PDE3B: variants seen among roughly 807,000 people sequenced by gnomAD.
PDE3B encodes the protein phosphodiesterase 3B.
A neutral mutation model predicts 116.8 loss-of-function variants in PDE3B; 66 were observed. The ratio of observed to expected loss-of-function variants is 0.56; its 90% CI spans 0.46 to 0.69. The LOEUF is 0.69. Among genes scored for constraint, PDE3B ranks in the 30% least tolerant of loss-of-function variants. The pLI is 0.00. For synonymous variants in PDE3B, 595 were observed against 533.6 expected (o/e 1.12, Z -1.59); for missense variants, 1,384 against 1,368.1 (o/e 1.01, Z -0.18).
chr11:14,741,028 G>C lies in PDE3B; in HGVS notation c.979-30909G>C, dbSNP rs142569103. ...AGAGTGTTTTACTTCCAATTATATG[G>C]TCAATTTTAGAATAAATGCGATGTG... On this transcript the variant is annotated intron_variant, in intron 1 of 15. Coordinates refer to ENST00000282096, the MANE Select transcript of PDE3B (RefSeq NM_000922.4). Among the ~76,000 whole-genome samples, 1,403 of 151,654 alleles carry C rather than the reference G, an allele frequency of 9.3e-3. 82 individuals are homozygous for C. The highest frequency in any genetic ancestry group is 0.087 in the Admixed American group (1,327 of 15,250).
At chr11:14,892,375 T>C in the PDE3B span, 1 of 659,828 alleles carries the variant, frequency 1.5e-6, no homozygotes. Flanking sequence ...CTTCTAGTTT[T>C]GCGCGGCTGA....
chr11:14,797,142 G>T (rs1326965463), intron 4 of PDE3B, among the ~76,000 whole-genome samples: 1 of 152,088 alleles, frequency 6.6e-6, no homozygotes, highest in Non-Finnish European at 1.5e-5. Context: ...ATTGCTTGTT[G>T]TGTCAGGTTT....
At chr11:14,836,088 T>A (rs183315973) in intron 11 of PDE3B, among the ~76,000 whole-genome samples, 7 of 152,360 alleles carry the variant, frequency 4.6e-5, no homozygotes, top group Admixed American at 2.0e-4. Flanking sequence ...ATTTGCTTTA[T>A]GTCACTGGTT....
intron 1 of PDE3B, among the ~76,000 whole-genome samples, chr11:14,759,881 T>A (rs538465750): frequency 1.3e-5 from 2 of 152,182 alleles, no homozygotes; most frequent in East Asian, 3.9e-4. Context: ...GAGCTCAGCT[T>A]CAGGAGGAGG....
intron 1 of PDE3B, among the ~76,000 whole-genome samples, chr11:14,685,537 C>T (rs1237096325): frequency 7.0e-6 from 1 of 142,020 alleles, no homozygotes; most frequent in Non-Finnish European, 1.5e-5. Flanking sequence ...CTCCCTGAAA[C>T]CTCCATCTCC....
chr11:14,869,447 T>G lies in PDE3B; in HGVS notation c.3140-14T>G. ...ATTGCTATGATTAGAATATATTTAT[T>G]TTAAATTTCACAGAACCACCAAGAA... is the stretch of plus-strand genomic sequence containing the variant. On this transcript the variant is annotated splice_polypyrimidine_tract_variant and intron_variant, in intron 15 of 15. Coordinates refer to ENST00000282096, the MANE Select transcript of PDE3B (RefSeq NM_000922.4). 6.2e-7 allele frequency: 1 copy of G among 1,601,772 alleles called. No individual in the cohort carries two copies. The highest frequency in any genetic ancestry group is 8.5e-7 in the Non-Finnish European group (1 of 1,174,450).
rs1231490750 is a variant in PDE3B, at chr11:14,871,866, T to C, written c.*2206T>C. 1.3e-5 allele frequency: 2 copies of C among 151,802 alleles called. No individual in the cohort carries two copies. The highest frequency in any genetic ancestry group is 2.9e-5 in the Non-Finnish European group (2 of 67,982). 9.4% of individuals were successfully genotyped at this position (151,802 alleles called of 1,614,324 possible). The stretch of plus-strand genomic sequence containing the variant: ...ATTAGATGAAATCTTACTTGAGAAA[T>C]TGCCATAAGCCATATTACAGATCTT... On this transcript the variant is annotated 3_prime_UTR_variant, in exon 16 of 16. Coordinates refer to ENST00000282096, the MANE Select transcript of PDE3B (RefSeq NM_000922.4).
chr11:14,816,721 C>G (rs566172315), intron 5 of PDE3B, among the ~76,000 whole-genome samples: 1 of 152,174 alleles, frequency 6.6e-6, no homozygotes, highest in South Asian at 2.1e-4. Context: ...AATGAATGAG[C>G]TGGAAATACT....
chr11:14,772,815 T>G (rs995436210), intron 2 of PDE3B: 25 of 152,098 alleles, frequency 1.6e-4, no homozygotes, highest in Middle Eastern at 3.4e-3. Context: ...ATGTCTATCT[T>G]TATTGATCTT....
intron 1 of PDE3B, among the ~76,000 whole-genome samples, chr11:14,658,739 ATTTG>A (rs1351314401): frequency 6.6e-6 from 1 of 152,122 alleles, no homozygotes; most frequent in Non-Finnish European, 1.5e-5. Context: ...GCCTTTGTTC[ATTTG>A]TTTCTTTCTT....
rs1390576310 is a variant in PDE3B, at chr11:14,818,321, C to T, written c.1661C>T (p.Ser554Phe). 2 of 1,613,608 alleles carry T rather than the reference C, an allele frequency of 1.2e-6. No homozygotes were observed. Among genetic ancestry groups the T allele is most frequent in the South Asian group, 2.2e-5 (2 of 91,074 alleles). The change falls in exon 6 of 16, where the codon TCT becomes TTT. Residue 554 changes from serine (S) to phenylalanine (F), a missense_variant. This residue lies in a region of PDE3B where 956 missense variants were observed against 806.8 expected (regional missense o/e 1.18). Coordinates refer to ENST00000282096, the MANE Select transcript of PDE3B (RefSeq NM_000922.4). The stretch of plus-strand genomic sequence containing the variant: ...AAGCCAAGCGTTATCTTGCAGAGAT[C>T]TCTGGGCAATGCACCTAATACTCCA... The part of the protein sequence containing the change: ...LNKPSVILQR[S>F]LGNAPNTPDF...
chr11:14,799,375 G>A (rs1387451730), intron 4 of PDE3B, among the ~76,000 whole-genome samples: 2 of 152,194 alleles, frequency 1.3e-5, no homozygotes, highest in Non-Finnish European at 2.9e-5. Flanking sequence ...CTTAGAATAA[G>A]TGCAGTGAGG....
chr11:14,833,808 A>T (rs1285657027), intron 10 of PDE3B, among the ~76,000 whole-genome samples: 1 of 152,158 alleles, frequency 6.6e-6, no homozygotes, highest in Non-Finnish European at 1.5e-5. Flanking sequence ...ATATACTATA[A>T]TTTCCACTTA....
chr11:14,644,883 A>G lies in PDE3B; in HGVS notation c.808A>G (p.Arg270Gly), dbSNP rs370353124. The change falls in exon 1 of 16, where the codon AGG (arginine) becomes GGG (glycine). Residue 270 changes from arginine to glycine, a missense_variant. Around this residue, in one of 2 missense-constraint regions of PDE3B, gnomAD observed 956 missense variants for 806.8 expected, o/e 1.18. Coordinates refer to ENST00000282096, the MANE Select transcript of PDE3B (RefSeq NM_000922.4). Reference sequence around the variant, plus strand: ...GGGGTTGGATCACTTCTTTCAAATCAGGGAAGCGCCTCTTCATCCTCGACT... The same window carrying G: ...GGGGTTGGATCACTTCTTTCAAATCGGGGAAGCGCCTCTTCATCCTCGACT... ...ALGLDHFFQI[R>G]EAPLHPRLSS... The G allele has an allele frequency of 3.5e-5, 56 of 1,613,838 alleles. No homozygotes were observed. Among genetic ancestry groups the G allele is most frequent in the Admixed American group, 5.0e-5 (3 of 59,968 alleles).
intron 1 of PDE3B, among the ~76,000 whole-genome samples, chr11:14,721,523 C>A (rs1407469681): frequency 6.6e-6 from 1 of 151,496 alleles, no homozygotes; most frequent in Non-Finnish European, 1.5e-5. Context: ...TGGAACCGAC[C>A]CAAATGTCCA....
At position 14,668,808 on chromosome 11, in the gene PDE3B, C is replaced by T. The variant is rs114372238; in HGVS notation, c.978+23755C>T. Among the ~76,000 whole-genome samples the T allele has an allele frequency of 2.4e-3, 359 of 152,224 alleles. 1 individual carries two copies. Among genetic ancestry groups the T allele is most frequent in the African/African-American group, 8.1e-3 (338 of 41,546 alleles). Reference sequence around the variant, plus strand: ...ACACTGGTCTTGGCAAAAGATAACACAAAAGTAAACACTACTATGTCAAAA... The same window carrying T: ...ACACTGGTCTTGGCAAAAGATAACATAAAAGTAAACACTACTATGTCAAAA... On this transcript the variant is annotated intron_variant, in intron 1 of 15. Coordinates refer to ENST00000282096, the MANE Select transcript of PDE3B (RefSeq NM_000922.4).
chr11:14,665,428 C>T (rs1221545331), intron 1 of PDE3B, among the ~76,000 whole-genome samples: 1 of 152,120 alleles, frequency 6.6e-6, no homozygotes, highest in African/African-American at 2.4e-5. Flanking sequence ...GGCAATTAGG[C>T]AGGAGAAGGA....
At chr11:14,808,631 G>A (rs1859025971) in intron 5 of PDE3B, among the ~76,000 whole-genome samples, 1 of 151,812 alleles carries the variant, frequency 6.6e-6, no homozygotes, top group African/African-American at 2.4e-5. Context: ...GCTTGTATAT[G>A]TAAAATCCTA....
the PDE3B span, among the ~76,000 whole-genome samples, chr11:14,882,207 AAAG>A: frequency 6.6e-6 from 1 of 152,172 alleles, no homozygotes; most frequent in African/African-American, 2.4e-5. Flanking sequence ...TCAGGGAACA[AAAG>A]AAGCAAAGGT....
Sources: gnomAD v4.1 joint callset for allele counts (sites outside exome capture counted in the v4.1 genomes callset) on GRCh38, gnomAD v4.1.1 for gene constraint, gnomAD v4.1.1 regional missense constraint, MANE v1.5 for transcripts, NCBI Gene and HGNC (gene_info 2026-07-23, HGNC 2026-07-21) for gene names.